Variants in GRIK2 observed in about 807,000 individuals in gnomAD.
GRIK2 encodes glutamate receptor ionotropic, kainate 2.
A neutral mutation model predicts 100.3 loss-of-function variants in GRIK2; 32 were observed. The ratio of observed to expected loss-of-function variants is 0.32; its 90% CI spans 0.24 to 0.43. The LOEUF (loss-of-function observed/expected upper bound fraction) is 0.43. Among genes scored for constraint, GRIK2 ranks in the 20% least tolerant of loss-of-function variants. The pLI, the probability that GRIK2 is intolerant of heterozygous loss-of-function variation, is 1.00. For missense variants in GRIK2, 843 were observed against 1,114.9 expected (o/e 0.76, Z 3.47); for synonymous variants, 417 against 389.4 (o/e 1.07, Z -0.83).
chr6:101,447,256 T>C (rs1038951108), intron 2 of GRIK2, among the ~76,000 whole-genome samples: 4 of 151,540 alleles, frequency 2.6e-5, no homozygotes, highest in African/African-American at 9.7e-5. Context: ...TTTATAAATA[T>C]GTCCTCCTAG....
chr6:101,902,714 A>G (rs755656417), intron 12 of GRIK2, among the ~76,000 whole-genome samples: 31 of 151,776 alleles, frequency 2.0e-4, no homozygotes, highest in Non-Finnish European at 2.9e-4. Context: ...TTTTAACTAC[A>G]ACATATTCTT....
At chr6:101,535,207 C>T (rs867470086) in intron 2 of GRIK2, among the ~76,000 whole-genome samples, 2 of 151,554 alleles carry the variant, frequency 1.3e-5, no homozygotes, top group African/African-American at 4.8e-5. Flanking sequence ...CAGAGGGGAA[C>T]GAAAACCTCT....
At chr6:101,603,877 A>C (rs1301729930) in intron 2 of GRIK2, among the ~76,000 whole-genome samples, 1 of 151,762 alleles carries the variant, frequency 6.6e-6, no homozygotes, top group East Asian at 1.9e-4. Flanking sequence ...CTACTTTTAT[A>C]ATTGCTAAGA....
chr6:101,738,916 C>T (rs555928738), intron 7 of GRIK2, among the ~76,000 whole-genome samples: 13 of 152,080 alleles, frequency 8.5e-5, no homozygotes, highest in Non-Finnish European at 1.5e-4. Context: ...AAATAGAAAA[C>T]GGGACTGTGG....
intron 2 of GRIK2, among the ~76,000 whole-genome samples, chr6:101,423,457 TG>T (rs1322865754): frequency 3.3e-5 from 5 of 152,296 alleles, no homozygotes; most frequent in South Asian, 2.1e-4. Flanking sequence ...CGACAGCACT[TG>T]TTTTTTTATG....
At chr6:102,002,961 A>T (rs1413650100) in intron 14 of GRIK2, among the ~76,000 whole-genome samples, 1 of 151,280 alleles carries the variant, frequency 6.6e-6, no homozygotes, top group Non-Finnish European at 1.5e-5. Context: ...TTCTATTTTT[A>T]ATTATACAGT....
chr6:101,444,931 T>G (rs760184255), intron 2 of GRIK2, among the ~76,000 whole-genome samples: 16 of 152,154 alleles, frequency 1.1e-4, no homozygotes, highest in Non-Finnish European at 1.5e-4. Context: ...CCTAATTTGC[T>G]GCTGCATGTC....
intron 2 of GRIK2, among the ~76,000 whole-genome samples, chr6:101,442,376 C>A (rs1770117644): frequency 6.6e-6 from 1 of 152,122 alleles, no homozygotes; most frequent in East Asian, 1.9e-4. Flanking sequence ...AGAGGCCAGG[C>A]TCCTTTCCCC....
intron 5 of GRIK2, among the ~76,000 whole-genome samples, chr6:101,678,818 C>T (rs947648150): frequency 6.6e-6 from 1 of 152,150 alleles, no homozygotes; most frequent in Non-Finnish European, 1.5e-5. Flanking sequence ...AATCAGTTTA[C>T]TCTTGTGCGT....
chr6:101,582,212 C>G (rs1778136391), intron 2 of GRIK2, among the ~76,000 whole-genome samples: 1 of 150,430 alleles, frequency 6.6e-6, no homozygotes, highest in South Asian at 2.1e-4. Context: ...AATGCTATCC[C>G]TCTCCTAGCC....
chr6:101,798,238 T>A (rs1262341242), intron 7 of GRIK2, among the ~76,000 whole-genome samples: 1 of 152,076 alleles, frequency 6.6e-6, no homozygotes, highest in African/African-American at 2.4e-5. Context: ...GCTCAAAATG[T>A]ATCTTCCCAA....
chr6:101,495,307 C>T (rs1053462877), intron 2 of GRIK2, among the ~76,000 whole-genome samples: 1 of 151,900 alleles, frequency 6.6e-6, no homozygotes, highest in Non-Finnish European at 1.5e-5. Context: ...AGATCGAGAC[C>T]ATCCTGGCTA....
At chr6:101,606,990 A>G (rs1779464154) in intron 2 of GRIK2, among the ~76,000 whole-genome samples, 1 of 151,996 alleles carries the variant, frequency 6.6e-6, no homozygotes, top group Admixed American at 6.6e-5. Context: ...TTTTACTCAA[A>G]TTAGGAATAT....
intron 2 of GRIK2, among the ~76,000 whole-genome samples, chr6:101,569,050 G>A (rs933338213): frequency 8.6e-5 from 13 of 151,930 alleles, no homozygotes; most frequent in Non-Finnish European, 1.9e-4. Flanking sequence ...TAATATTCAC[G>A]TTTGTCCCTA....
chr6:101,555,220 T>C (rs904413382), intron 2 of GRIK2, among the ~76,000 whole-genome samples: 2 of 152,190 alleles, frequency 1.3e-5, no homozygotes, highest in Admixed American at 6.5e-5. Flanking sequence ...AAAGTCCTGT[T>C]AGTCTTCAGA....
chr6:101,794,882 T>G (rs1001204518), intron 7 of GRIK2, among the ~76,000 whole-genome samples: 2 of 151,758 alleles, frequency 1.3e-5, no homozygotes, highest in African/African-American at 4.8e-5. Context: ...TTTTTTTTTT[T>G]TGAGACGGAG....
chr6:102,053,191 C>G (rs1008474086), intron 15 of GRIK2, among the ~76,000 whole-genome samples: 3 of 151,970 alleles, frequency 2.0e-5, no homozygotes, highest in African/African-American at 4.8e-5. Context: ...ACTATCAACA[C>G]AAGATTTGTT....
chr6:101,526,001 G>A (rs1775134120), intron 2 of GRIK2, among the ~76,000 whole-genome samples: 1 of 152,146 alleles, frequency 6.6e-6, no homozygotes, highest in Admixed American at 6.5e-5. Context: ...ACATATATCA[G>A]GATCATAGAG....
chr6:101,686,329 A>C lies in GRIK2; in HGVS notation c.927A>C (p.Ser309=), dbSNP rs764466914. ...TGCAGGCACCTCCGAAACCCGATTC[A>C]GGTTTGCTGGATGGATTTATGACGG... The part of the protein sequence containing the change: ...ERLQAPPKPD[S]GLLDGFMTTD... Residue 309 remains serine, a synonymous_variant, in exon 7 of 17, where the codon TCA becomes TCC. Coordinates refer to ENST00000369134, the MANE Select transcript of GRIK2 (RefSeq NM_021956.5). 4.3e-5 allele frequency: 70 copies of C among 1,613,208 alleles called. No individual in the cohort carries two copies. The highest frequency in any genetic ancestry group is 5.6e-5 in the Non-Finnish European group (66 of 1,179,408).
Sources: allele counts gnomAD v4.1 joint callset (sites outside exome capture counted in the v4.1 genomes callset), GRCh38; gene constraint gnomAD v4.1.1; transcripts MANE v1.5; gene names NCBI Gene and HGNC (gene_info 2026-07-23, HGNC 2026-07-21).